FLACC1: variants seen among roughly 807,000 people sequenced by gnomAD.
The protein encoded by FLACC1 is flagellum associated containing coiled-coil domains 1.
Under a neutral mutation model 62.8 loss-of-function variants are expected in FLACC1, and 66 were observed. The ratio of observed to expected loss-of-function variants is 1.05; its 90% confidence interval spans 0.86 to 1.29. The LOEUF is 1.29. Ranked by LOEUF, FLACC1 falls within the 50% of genes most tolerant of loss-of-function variation. FLACC1 has a pLI of 0.00. For missense variants in FLACC1, 452 were observed against 489.1 expected, an observed-to-expected ratio of 0.92 and a Z score of 0.71; for synonymous variants, 156 against 161.0, an observed-to-expected ratio of 0.97 and a Z score of 0.24.
chr2:201,312,475 A>C (rs1950234903), intron 9 of FLACC1, among the ~76,000 whole-genome samples: 1 of 152,242 alleles, frequency 6.6e-6, no homozygotes, highest in South Asian at 2.1e-4. Flanking sequence ...AGTCAATATC[A>C]TTAAGATGGC....
At chr2:201,300,438 G>C (rs1949956017) in intron 11 of FLACC1, among the ~76,000 whole-genome samples, 1 of 152,168 alleles carries the variant, frequency 6.6e-6, no homozygotes, top group Non-Finnish European at 1.5e-5. Flanking sequence ...GCTCGAATTG[G>C]GTGGAGCCCA....
intron 12 of FLACC1, among the ~76,000 whole-genome samples, chr2:201,292,279 A>C (rs1375607554): frequency 1.3e-5 from 2 of 152,224 alleles, no homozygotes; most frequent in Non-Finnish European, 2.9e-5. Context: ...CCAGAGAGAA[A>C]GCTCGGGTTA....
intron 11 of FLACC1, among the ~76,000 whole-genome samples, chr2:201,306,349 C>G (rs539218596): frequency 3.0e-4 from 46 of 152,262 alleles, no homozygotes; most frequent in African/African-American, 1.1e-3. Flanking sequence ...CACCAGACCC[C>G]CTTCTCCAAC....
At chr2:201,304,694 T>C (rs1020882997) in intron 11 of FLACC1, among the ~76,000 whole-genome samples, 3 of 152,172 alleles carry the variant, frequency 2.0e-5, no homozygotes, top group Non-Finnish European at 4.4e-5. Flanking sequence ...ACTACAAGGC[T>C]ACAGTAACCA....
intron 11 of FLACC1, among the ~76,000 whole-genome samples, chr2:201,304,647 A>G (rs1202922087): frequency 1.3e-5 from 2 of 152,206 alleles, no homozygotes; most frequent in Non-Finnish European, 2.9e-5. Context: ...CCAAAAGAAC[A>G]AAGCTGGAGG....
chr2:201,348,241 T>A lies in FLACC1; in HGVS notation c.234+13A>T, dbSNP rs753643847. 8 of 1,612,608 alleles carry A rather than the reference T, an allele frequency of 5.0e-6. 1 individual carries two copies. In the South Asian group the frequency reaches 8.8e-5, roughly 18 times the overall value. ...AAATTTTAGTCCCACCGCCCTCTCC[T>A]GCCTTTACTCACATAAAATGATTTA... On this transcript the variant is annotated intron_variant, in intron 4 of 14. Coordinates refer to ENST00000392257, the MANE Select transcript of FLACC1 (RefSeq NM_001127391.3).
chr2:201,348,205 A>C lies in FLACC1; in HGVS notation c.234+49T>G, dbSNP rs779151789. ...TAAAGGGCCCATGCTTGCACATAGT[A>C]GGCACTCAATAAATTTTAGTCCCAC... On this transcript the variant is annotated intron_variant, in intron 4 of 14. Transcript: ENST00000392257. 29 of 1,562,758 alleles carry C rather than the reference A, an allele frequency of 1.9e-5. No individual in the cohort carries two copies. The East Asian group carries it at 6.6e-4, about 35-fold the overall frequency.
chr2:201,331,769 T>C (rs867079176), intron 7 of FLACC1, among the ~76,000 whole-genome samples: 2 of 152,318 alleles, frequency 1.3e-5, no homozygotes. Context: ...GTTATGACAC[T>C]AGAATAGTGG....
chr2:201,363,437 T>C, the FLACC1 span, among the ~76,000 whole-genome samples: 2 of 151,750 alleles, frequency 1.3e-5, no homozygotes, highest in Non-Finnish European at 2.9e-5. Flanking sequence ...CCCCGGCAGA[T>C]CTCTAGGCAT....
rs1553610326 is a variant in FLACC1, at chr2:201,299,194, A to G, written c.942+44T>C. The G allele has an allele frequency of 2.6e-6, 4 of 1,544,112 alleles. No individual in the cohort carries two copies. In the East Asian group the frequency reaches 9.0e-5, roughly 35 times the overall value. On this transcript the variant is annotated intron_variant, in intron 12 of 14. Transcript: ENST00000392257. ...TGACAGCTTGTTATTTTATTGGTGT[A>G]TTTGTAATATACCAAGTCCACAGGA...
chr2:201,309,969 G>C (rs1950187076), intron 9 of FLACC1, among the ~76,000 whole-genome samples: 1 of 146,274 alleles, frequency 6.8e-6, no homozygotes, highest in African/African-American at 2.5e-5. Context: ...TGAACACTTA[G>C]AAAATAAGGG....
At position 201,351,350 on chromosome 2, in the gene FLACC1, G is replaced by T; in HGVS notation, c.55C>A (p.Pro19Thr). 6.2e-7 allele frequency: 1 copy of T among 1,614,146 alleles called. No homozygotes were observed. The highest frequency in any genetic ancestry group is 2.2e-5 in the East Asian group (1 of 44,884). ...CTCWDPWNLG[P>T]RKLIKTPQLP... ...TGAGGGGTCTTGATTAGCTTCCGTG[G>T]TCCCAAGTTCCAGGGGTCCCAGCAG... is the stretch of plus-strand genomic sequence containing the variant. Residue 19 changes from proline (P) to threonine (T), a missense_variant, in exon 2 of 15, where the codon CCA becomes ACA. Pro to Thr is a conservative substitution (Grantham distance 38, BLOSUM62 -1). Transcript: ENST00000392257.
At chr2:201,307,680 G>A in intron 10 of FLACC1, 58 bp from the exon 11 acceptor site, 1 of 1,194,172 alleles carries the variant, frequency 8.4e-7, no homozygotes, top group East Asian at 2.3e-5. Flanking sequence ...CAGGTGCAAT[G>A]AGAAACCCAG....
chr2:201,333,572 A>T (rs542945552), intron 7 of FLACC1, among the ~76,000 whole-genome samples: 36 of 96,864 alleles, frequency 3.7e-4, no homozygotes, highest in Admixed American at 5.9e-4. Flanking sequence ...ACCCCATAAC[A>T]GTCCCCAGAG....
Position 201,299,234 on chromosome 2 carries a change from T to A in FLACC1, c.942+4A>T. On this transcript the variant is annotated splice_donor_region_variant and intron_variant, in intron 12 of 14. Coordinates refer to ENST00000392257, the MANE Select transcript of FLACC1 (RefSeq NM_001127391.3). ...AGTCCACAGGAAAGGATGAAAAAGC[T>A]TACCTCTTTGGTTTTTCTCAGCTCT... The A allele has an allele frequency of 6.2e-7, 1 of 1,613,482 alleles. No individual in the cohort carries two copies. Among genetic ancestry groups the A allele is most frequent in the South Asian group, 1.1e-5 (1 of 90,976 alleles).
chr2:201,302,617 A>G (rs1245247392), intron 11 of FLACC1, among the ~76,000 whole-genome samples: 2 of 152,204 alleles, frequency 1.3e-5, no homozygotes, highest in Non-Finnish European at 1.5e-5. Context: ...CCCCAAATCA[A>G]CAGAATATAC....
At chr2:201,354,309 G>A (rs1027947300) in intron 1 of FLACC1, among the ~76,000 whole-genome samples, 3 of 152,164 alleles carry the variant, frequency 2.0e-5, no homozygotes, top group South Asian at 2.1e-4. Context: ...CAGAGGAGTC[G>A]GCAGAAAGAG....
chr2:201,343,700 G>A (rs1333417164), intron 6 of FLACC1, among the ~76,000 whole-genome samples: 1 of 152,242 alleles, frequency 6.6e-6, no homozygotes, highest in Admixed American at 6.5e-5. Flanking sequence ...CTAAAAAGGT[G>A]TCACTGAAAT....
At chr2:201,289,912 A>G (rs1949693749) in intron 12 of FLACC1, 127 bp from the exon 13 acceptor site, 5 of 1,534,410 alleles carry the variant, frequency 3.3e-6, no homozygotes, top group Non-Finnish European at 4.4e-6. Flanking sequence ...ATGGCCACTC[A>G]CACCCTGTCA....
Sources: allele counts gnomAD v4.1 joint callset (sites outside exome capture counted in the v4.1 genomes callset), GRCh38; gene constraint gnomAD v4.1.1; transcripts MANE v1.5; gene names NCBI Gene and HGNC (gene_info 2026-07-23, HGNC 2026-07-21).